The following TPSD1 variants were observed in gnomAD, a reference collection of about 807,000 sequenced individuals.
TPSD1 encodes the protein tryptase delta.
TPSD1 carries 30 observed loss-of-function variants against 25.4 expected under a neutral mutation model. That is an observed-to-expected ratio of 1.18 (90% CI 0.88 to 1.60). The LOEUF (loss-of-function observed/expected upper bound fraction) is 1.60. Ranked by LOEUF, TPSD1 falls within the 40% of genes most tolerant of loss-of-function variation. The probability of loss-of-function intolerance (pLI) is 0.00; values close to 1 mark genes in which losing one functional copy is unlikely to be tolerated. For missense variants in TPSD1, 420 were observed against 324.2 expected (o/e 1.30, Z -2.27); for synonymous variants, 176 against 149.4 (o/e 1.18, Z -1.30).
At chr16:1,257,136 A>T (rs2030993341) in intron 3 of TPSD1, 74 bp downstream of exon 3, 2 of 1,504,448 alleles carry the variant, frequency 1.3e-6, no homozygotes, top group Non-Finnish European at 1.8e-6. Context: ...CCGTGGGGTG[A>T]CAGGGTCCCT....
intron 3 of TPSD1, chr16:1,257,547 G>A (rs2031002134): frequency 4.3e-6 from 1 of 233,740 alleles, no homozygotes; most frequent in Non-Finnish European, 8.3e-6. Context: ...ACTTCTAGAA[G>A]GTCTTGTCCC....
In TPSD1 at chr16:1,257,649, G is replaced by T. The variant is rs568875590; in HGVS notation, c.521-410G>T. On this transcript the variant is annotated intron_variant, in intron 3 of 4. Transcript: ENST00000211076. Reference sequence around the variant, plus strand: ...TCTGGGTCACTCAGAAGGGGCCTGAGCCACTGTCCCGCTATTCCGCCCCAC... The same window carrying T: ...TCTGGGTCACTCAGAAGGGGCCTGATCCACTGTCCCGCTATTCCGCCCCAC... 9.5e-4 allele frequency among the ~76,000 whole-genome samples: 144 copies of T among 152,340 alleles called. 1 individual carries two copies. Among genetic ancestry groups the T allele is most frequent in the African/African-American group, 3.2e-3 (133 of 41,574 alleles).
chr16:1,256,433 G>A, intron 1 of TPSD1, 71 bp downstream of exon 1: 1 of 1,610,332 alleles, frequency 6.2e-7, no homozygotes, highest in African/African-American at 1.3e-5. Flanking sequence ...GGGTTCTGGG[G>A]AGGCCGGGCT....
rs1248866638 is a variant in TPSD1 at position 1,258,144 on chromosome 16, C to A, written c.606C>A (p.Gly202=). The A allele has an allele frequency of 6.2e-7, 1 of 1,611,930 alleles. No homozygotes were observed. The highest frequency in any genetic ancestry group is 8.5e-7 in the Non-Finnish European group (1 of 1,179,512). Residue 202 remains glycine (G), a synonymous_variant, in exon 4 of 5, where the codon GGC becomes GGA. Coordinates refer to ENST00000211076, the MANE Select transcript of TPSD1 (RefSeq NM_012217.3). ...TTTGCAACGCGGAATATCACACCGGCCTCCATACGGGCCACAGCTTTCAAA... is the reference window on the plus strand; with the variant it reads ...TTTGCAACGCGGAATATCACACCGGACTCCATACGGGCCACAGCTTTCAAA... The part of the protein sequence containing the change: ...NHLCNAEYHT[G]LHTGHSFQIV...
intron 3 of TPSD1, chr16:1,257,348 G>A (rs905243580): frequency 1.3e-5 from 7 of 526,144 alleles, no homozygotes; most frequent in African/African-American, 9.5e-5. Context: ...TGTACGTCAC[G>A]GACTTGCTAT....
rs749356634 is a variant in TPSD1 at position 1,258,086 on chromosome 16, A to G, written c.548A>G (p.Lys183Arg). 12 of 1,597,018 alleles carry G rather than the reference A, an allele frequency of 7.5e-6. No homozygotes were observed. Among genetic ancestry groups the G allele is most frequent in the African/African-American group, 4.0e-5 (3 of 74,668 alleles). Residue 183 changes from lysine to arginine, a missense_variant, in exon 4 of 5, where the codon AAG becomes AGG. Lys to Arg is a conservative substitution (Grantham distance 26). Coordinates refer to ENST00000211076, the MANE Select transcript of TPSD1 (RefSeq NM_012217.3). ...NVHLPPPYPL[K>R]EVEVPVVENH... The stretch of plus-strand genomic sequence containing the variant: ...CACCTGCCGCCGCCATACCCGCTGA[A>G]GGAGGTGGAAGTCCCCGTAGTGGAA...
Position 1,257,056 on chromosome 16 carries a change from A to T in TPSD1, c.514A>T (p.Asn172Tyr). ...CWVTGWGDVDNNVHLPPPYPL... is the reference protein window; with the variant it reads ...CWVTGWGDVDYNVHLPPPYPL... Reference sequence around the variant, plus strand: ...GGTCACTGGCTGGGGCGACGTGGACAATAATGGTGGGTGTTGGGGACAGCG... The same window carrying T: ...GGTCACTGGCTGGGGCGACGTGGACTATAATGGTGGGTGTTGGGGACAGCG... The change falls in exon 3 of 5, where the codon AAT becomes TAT. Residue 172 changes from asparagine (N) to tyrosine (Y), a missense_variant. By Grantham distance (143) the Asn-to-Tyr change is moderately radical. Coordinates refer to ENST00000211076, the MANE Select transcript of TPSD1 (RefSeq NM_012217.3). 6.2e-7 allele frequency: 1 copy of T among 1,608,212 alleles called. No homozygotes were observed. Among genetic ancestry groups the T allele is most frequent in the Non-Finnish European group, 8.5e-7 (1 of 1,177,610 alleles).
At chr16:1,256,450 C>T (rs1351840924) in intron 1 of TPSD1, 66 bp from the exon 2 acceptor site, 1 of 1,609,106 alleles carries the variant, frequency 6.2e-7, no homozygotes, top group African/African-American at 1.3e-5. Flanking sequence ...GGCTGGCCCC[C>T]ACACAGGGAA....
Position 1,258,130 on chromosome 16 carries a change from G to A in TPSD1, c.592G>A (p.Glu198Lys). Residue 198 changes from glutamate to lysine, a missense_variant, in exon 4 of 5, where the codon GAA (glutamate) becomes AAA (lysine). Glu to Lys is a moderately conservative substitution (Grantham distance 56, BLOSUM62 1). Transcript: ENST00000211076. ...AGTGGAAAACCACCTTTGCAACGCG[G>A]AATATCACACCGGCCTCCATACGGG... ...PVVENHLCNA[E>K]YHTGLHTGHS... 1 of 1,610,482 alleles carries A rather than the reference G, an allele frequency of 6.2e-7. No individual in the cohort carries two copies. The highest frequency in any genetic ancestry group is 8.5e-7 in the Non-Finnish European group (1 of 1,178,822).
rs1369208900 is a variant in TPSD1, at chr16:1,256,897, C to CAGTT, written c.356_359dup (p.Phe120LeufsTer55). 1 of 1,613,924 alleles carries CAGTT rather than the reference C, an allele frequency of 6.2e-7. No homozygotes were observed. Among genetic ancestry groups the CAGTT allele is most frequent in the East Asian group, 2.2e-5 (1 of 44,896 alleles). On this transcript the variant is annotated frameshift_variant, in exon 3 of 5. Transcript: ENST00000211076. LOFTEE classifies it high-confidence loss of function. ...GGTCAGCAGGATCATCGTGCACCCA[C>CAGTT]AGTTCTACATCATCCAGACCGGGGC...
Position 1,258,404 on chromosome 16 carries a change from G to A in TPSD1, c.*28G>A, listed in dbSNP as rs769326595. Reference sequence around the variant, plus strand: ...GCAGGCGGGCGTGGTCAGCTGGGAGGAGAGCTGTGCCCAGCCCAACCGGCC... The same window carrying A: ...GCAGGCGGGCGTGGTCAGCTGGGAGAAGAGCTGTGCCCAGCCCAACCGGCC... On this transcript the variant is annotated 3_prime_UTR_variant, in exon 5 of 5. Coordinates refer to ENST00000211076, the MANE Select transcript of TPSD1 (RefSeq NM_012217.3). The A allele has an allele frequency of 1.2e-6, 2 of 1,613,246 alleles. No individual in the cohort carries two copies. Among genetic ancestry groups the A allele is most frequent in the Admixed American group, 1.7e-5 (1 of 59,998 alleles).
rs1243449604 is a variant in TPSD1 at position 1,258,319 on chromosome 16, C to G, written c.685-13C>G. ...AAGCCTGGCCAGCGAGCACTGACCT[C>G]TGACCTTCCCAGGGTGACTCTGGAG... On this transcript the variant is annotated splice_polypyrimidine_tract_variant and intron_variant, in intron 4 of 4. Coordinates refer to ENST00000211076, the MANE Select transcript of TPSD1 (RefSeq NM_012217.3). The G allele has an allele frequency of 2.5e-6, 4 of 1,604,968 alleles. No homozygotes were observed. Among genetic ancestry groups the G allele is most frequent in the Admixed American group, 1.7e-5 (1 of 59,522 alleles).
chr16:1,258,272 G>T (rs780011220), intron 4 of TPSD1, 50 bp downstream of exon 4: 1 of 1,602,986 alleles, frequency 6.2e-7, no homozygotes, highest in Non-Finnish European at 8.5e-7. Flanking sequence ...GCCAGCGAGC[G>T]CATCCCTCAT....
intron 1 of TPSD1, 35 bp downstream of exon 1, chr16:1,256,397 C>T (rs772542090): frequency 1.9e-6 from 3 of 1,611,922 alleles, no homozygotes; most frequent in Non-Finnish European, 2.5e-6. Flanking sequence ...TGCCCCTCAC[C>T]ACATTCCACA....
rs189581184 is a variant in TPSD1 at position 1,256,965 on chromosome 16, C to T, written c.423C>T (p.Ser141=). The T allele has an allele frequency of 6.2e-7, 1 of 1,613,938 alleles. No homozygotes were observed. The change falls in exon 3 of 5, where the codon TCC becomes TCT. Residue 141 remains serine (S), a synonymous_variant. Transcript: ENST00000211076. Reference sequence around the variant, plus strand: ...AGCTGGAGGAGCCCGTGAACATCTCCAGCCACATCCACACGGTCACGCTGC... The same window carrying T: ...AGCTGGAGGAGCCCGTGAACATCTCTAGCCACATCCACACGGTCACGCTGC... ...LLELEEPVNI[S]SHIHTVTLPP...
chr16:1,256,815 C>T lies in TPSD1; in HGVS notation c.273C>T (p.Ala91=), dbSNP rs540247180. 2.1e-5 allele frequency: 34 copies of T among 1,612,556 alleles called. No homozygotes were observed. Among genetic ancestry groups the T allele is most frequent in the South Asian group, 5.5e-5 (5 of 91,022 alleles). The change falls in exon 3 of 5, where the codon GCC becomes GCT. Residue 91 remains alanine (A), a synonymous_variant. Transcript: ENST00000211076. ...HCVEPDIKDL[A]ALRVQLREQH... Reference sequence around the variant, plus strand: ...TGCCCAGGGACATCAAGGATCTGGCCGCCCTCAGGGTGCAACTGCGGGAGC... The same window carrying T: ...TGCCCAGGGACATCAAGGATCTGGCTGCCCTCAGGGTGCAACTGCGGGAGC...
chr16:1,258,033 G>A (rs760082985), intron 3 of TPSD1, 26 bp from the exon 4 acceptor site: 73 of 1,556,020 alleles, frequency 4.7e-5, no homozygotes, highest in Middle Eastern at 4.3e-4. Flanking sequence ...CCCCAGACCC[G>A]GCTCCACGCC....
Position 1,256,812 on chromosome 16 carries a change from G to T in TPSD1, c.270G>T (p.Leu90=). 1 of 1,612,502 alleles carries T rather than the reference G, an allele frequency of 6.2e-7. No individual in the cohort carries two copies. Among genetic ancestry groups the T allele is most frequent in the Non-Finnish European group, 8.5e-7 (1 of 1,179,932 alleles). ...AHCVEPDIKD[L]AALRVQLREQ... ...CGCTGCCCAGGGACATCAAGGATCT[G>T]GCCGCCCTCAGGGTGCAACTGCGGG... The change falls in exon 3 of 5, where the codon CTG becomes CTT. Residue 90 remains leucine (L), a synonymous_variant. Transcript: ENST00000211076.
Position 1,258,060 on chromosome 16 carries a change from G to T in TPSD1, c.522G>T (p.Val174=), listed in dbSNP as rs761508900. 5 of 1,574,578 alleles carry T rather than the reference G, an allele frequency of 3.2e-6. No homozygotes were observed. The African/African-American group carries it at 6.8e-5, about 21-fold the overall frequency. The change falls in exon 4 of 5, where the codon GTG becomes GTT. Residue 174 remains valine, a splice_region_variant and synonymous_variant. Coordinates refer to ENST00000211076, the MANE Select transcript of TPSD1 (RefSeq NM_012217.3). ...CTCCACGCCCCCCTCCGCCCCCAGT[G>T]CACCTGCCGCCGCCATACCCGCTGA... ...VTGWGDVDNN[V]HLPPPYPLKE...
Sources: allele counts gnomAD v4.1 joint callset (sites outside exome capture counted in the v4.1 genomes callset), GRCh38; gene constraint gnomAD v4.1.1; transcripts MANE v1.5; gene names NCBI Gene and HGNC (gene_info 2026-07-23, HGNC 2026-07-21).